The following CPA6 variants were observed in gnomAD, a reference collection of about 807,000 sequenced individuals.
The protein encoded by CPA6 is carboxypeptidase A6.
Under a neutral mutation model 63.3 loss-of-function variants are expected in CPA6, and 58 were observed. That is an observed-to-expected ratio of 0.92 (90% CI 0.74 to 1.14). The LOEUF is 1.14. Among genes scored for constraint, CPA6 ranks in the 50% most tolerant of loss-of-function variants. The pLI, the probability that CPA6 is intolerant of heterozygous loss-of-function variation, is 0.00. For synonymous variants in CPA6, 185 were observed against 179.0 expected (o/e 1.03, Z -0.27); for missense variants, 565 against 526.6 (o/e 1.07, Z -0.71).
At chr8:67,643,181 T>C (rs1815634364) in intron 1 of CPA6, among the ~76,000 whole-genome samples, 1 of 152,112 alleles carries the variant, frequency 6.6e-6, no homozygotes. Flanking sequence ...AGCAGGAAGA[T>C]GCAAATTAAA....
At position 67,603,897 on chromosome 8, in the gene CPA6, C is replaced by T. The variant is rs1814559793; in HGVS notation, c.192+20279G>A. 2.0e-5 allele frequency among the ~76,000 whole-genome samples: 3 copies of T among 152,126 alleles called. No individual in the cohort carries two copies. In the South Asian group the frequency reaches 6.2e-4, roughly 32 times the overall value. The stretch of plus-strand genomic sequence containing the variant: ...CTATGGTGTCATTAACACTTTTTGT[C>T]CTTCTGATTAAAAAGCTTACATCTT... On this transcript the variant is annotated intron_variant, in intron 2 of 10. Transcript: ENST00000297770.
intron 3 of CPA6, among the ~76,000 whole-genome samples, chr8:67,515,976 C>T (rs534174731): frequency 3.6e-4 from 55 of 152,284 alleles, no homozygotes; most frequent in African/African-American, 1.2e-3. Context: ...CCCCCTCATC[C>T]GTCCTAGATG....
intron 2 of CPA6, among the ~76,000 whole-genome samples, chr8:67,518,513 T>TG (rs573746007): frequency 6.7e-6 from 1 of 148,962 alleles, no homozygotes; most frequent in African/African-American, 2.5e-5. Context: ...TCTTTTCTTT[T>TG]TTTTTTTTTT....
Position 67,691,891 on chromosome 8 carries a change from A to G in CPA6, c.116+54123T>C, listed in dbSNP as rs150790333. On this transcript the variant is annotated intron_variant, in intron 1 of 10. Coordinates refer to ENST00000297770, the MANE Select transcript of CPA6 (RefSeq NM_020361.5). ...AGACCAAAACATGAATCAATAAATTAAGACTAAACTCCAAACATTTAATTC... is the reference window on the plus strand; with the variant it reads ...AGACCAAAACATGAATCAATAAATTGAGACTAAACTCCAAACATTTAATTC... Among the ~76,000 whole-genome samples the G allele has an allele frequency of 1.2e-3, 185 of 152,184 alleles. 1 individual carries two copies. Among genetic ancestry groups the G allele is most frequent in the South Asian group, 7.3e-3 (35 of 4,796 alleles).
intron 3 of CPA6, among the ~76,000 whole-genome samples, 179 bp downstream of exon 3, chr8:67,517,744 C>T (rs377287881): frequency 3.0e-4 from 45 of 152,308 alleles, no homozygotes; most frequent in Middle Eastern, 6.8e-3. Flanking sequence ...CATCGTTGCT[C>T]CCATCCCCCA....
intron 1 of CPA6, among the ~76,000 whole-genome samples, chr8:67,740,741 T>C (rs1327127004): frequency 6.6e-6 from 1 of 152,092 alleles, no homozygotes; most frequent in African/African-American, 2.4e-5. Context: ...GGCTAATTTT[T>C]GTATTTTTAG....
chr8:67,554,580 G>A (rs1813018238), intron 2 of CPA6, among the ~76,000 whole-genome samples: 1 of 152,202 alleles, frequency 6.6e-6, no homozygotes, highest in African/African-American at 2.4e-5. Context: ...TCCCACGATA[G>A]TCTGTCTGCA....
intron 6 of CPA6, among the ~76,000 whole-genome samples, chr8:67,486,595 A>T (rs1811483145): frequency 6.6e-6 from 1 of 152,208 alleles, no homozygotes. Context: ...AGCTAAGTGT[A>T]TGATTTTCTT....
At chr8:67,538,032 G>A (rs558002249) in intron 2 of CPA6, among the ~76,000 whole-genome samples, 1 of 152,138 alleles carries the variant, frequency 6.6e-6, no homozygotes, top group Non-Finnish European at 1.5e-5. Flanking sequence ...TAATTTGATT[G>A]CACTGTGGTC....
At chr8:67,587,881 C>T (rs1813989501) in intron 2 of CPA6, among the ~76,000 whole-genome samples, 1 of 152,096 alleles carries the variant, frequency 6.6e-6, no homozygotes, top group Admixed American at 6.6e-5. Flanking sequence ...AGTGTGGCTC[C>T]TCAAATTAAA....
At chr8:67,422,739 G>T (rs746399190) in intron 10 of CPA6, 48 bp from the exon 11 acceptor site, 3 of 1,460,790 alleles carry the variant, frequency 2.1e-6, no homozygotes, top group South Asian at 1.3e-5. Context: ...TAAAGAGTCA[G>T]TATAATTTTC....
chr8:67,654,475 G>A (rs1021344344), intron 1 of CPA6, among the ~76,000 whole-genome samples: 4 of 152,114 alleles, frequency 2.6e-5, no homozygotes, highest in African/African-American at 9.6e-5. Context: ...GTCTTGGGAG[G>A]GTGTATGTGT....
At chr8:67,475,835 C>CCTTTCT (rs1563967677) in intron 8 of CPA6, among the ~76,000 whole-genome samples, 3 of 56,680 alleles carry the variant, frequency 5.3e-5, no homozygotes, top group Admixed American at 2.0e-4. Context: ...TTCTTTCTTT[C>CCTTTCT]TTTCTTTCTT....
At chr8:67,619,527 C>T (rs1467785741) in intron 2 of CPA6, among the ~76,000 whole-genome samples, 1 of 152,116 alleles carries the variant, frequency 6.6e-6, no homozygotes, top group African/African-American at 2.4e-5. Context: ...TGTACTTCTA[C>T]CCAAGTTCCT....
At chr8:67,461,446 C>T (rs1460468205) in intron 8 of CPA6, among the ~76,000 whole-genome samples, 2 of 150,872 alleles carry the variant, frequency 1.3e-5, no homozygotes, top group African/African-American at 4.9e-5. Context: ...AATGAAAAGT[C>T]TCCCATGTCT....
chr8:67,589,622 C>A (rs1192759918), intron 2 of CPA6, among the ~76,000 whole-genome samples: 1 of 152,062 alleles, frequency 6.6e-6, no homozygotes, highest in African/African-American at 2.4e-5. Flanking sequence ...TAAGGAGATA[C>A]TGATAAAGAA....
At chr8:67,612,313 A>G (rs958452792) in intron 2 of CPA6, among the ~76,000 whole-genome samples, 3 of 152,204 alleles carry the variant, frequency 2.0e-5, no homozygotes, top group South Asian at 2.1e-4. Context: ...CTATGTATCT[A>G]TATTATCAAA....
chr8:67,437,955 G>A (rs1191751447), intron 8 of CPA6, among the ~76,000 whole-genome samples: 4 of 151,992 alleles, frequency 2.6e-5, no homozygotes, highest in Non-Finnish European at 4.4e-5. Flanking sequence ...TTGCTCAGTC[G>A]CTCAGGCTGG....
intron 8 of CPA6, among the ~76,000 whole-genome samples, chr8:67,446,376 C>T (rs1261272297): frequency 2.6e-5 from 4 of 151,640 alleles, no homozygotes; most frequent in African/African-American, 4.8e-5. Flanking sequence ...GGCTGGTCCT[C>T]GGCCTTCCAA....
Sources: allele counts gnomAD v4.1 joint callset (sites outside exome capture counted in the v4.1 genomes callset), GRCh38; gene constraint gnomAD v4.1.1; transcripts MANE v1.5; gene names NCBI Gene and HGNC (gene_info 2026-07-23, HGNC 2026-07-21).